Variants in DAB1 observed in about 807,000 individuals in gnomAD.
DAB1 encodes the protein disabled homolog 1.
In DAB1, 15 loss-of-function variants were observed where a neutral mutation model predicts 64.6. The observed-to-expected ratio is 0.23, with a 90% CI of 0.16 to 0.36. DAB1 has a LOEUF of 0.36. Among genes scored for constraint, DAB1 ranks in the 10% least tolerant of loss-of-function variants. The pLI is 1.00. For synonymous variants in DAB1, 235 were observed against 251.9 expected (o/e 0.93, Z 0.64); for missense variants, 596 against 706.7 (o/e 0.84, Z 1.78).
intron 4 of DAB1, among the ~76,000 whole-genome samples, chr1:58,175,063 G>T (rs114542958): frequency 0.011 from 1,661 of 152,292 alleles, 32 homozygotes; most frequent in African/African-American, 0.038. Context: ...AACCTGCTCG[G>T]GTCCCCCTCC....
At chr1:58,372,449 G>A (rs931857663) in intron 3 of DAB1, among the ~76,000 whole-genome samples, 1 of 152,186 alleles carries the variant, frequency 6.6e-6, no homozygotes, top group Non-Finnish European at 1.5e-5. Context: ...AGGCTCAGAG[G>A]TGGAAGGGAC....
intron 6 of DAB1, among the ~76,000 whole-genome samples, chr1:57,774,541 C>T (rs936936790): frequency 6.6e-6 from 1 of 151,814 alleles, no homozygotes; most frequent in East Asian, 1.9e-4. Context: ...TTAGCTGTGG[C>T]TTTTCATAGA....
At chr1:57,588,579 G>T (rs1344893600) in intron 7 of DAB1, among the ~76,000 whole-genome samples, 1 of 152,036 alleles carries the variant, frequency 6.6e-6, no homozygotes, top group Non-Finnish European at 1.5e-5. Flanking sequence ...CTTACATTAG[G>T]GAAAAAGACA....
chr1:58,158,625 C>T (rs1048462297), intron 4 of DAB1, among the ~76,000 whole-genome samples: 2 of 152,144 alleles, frequency 1.3e-5, no homozygotes, highest in African/African-American at 4.8e-5. Flanking sequence ...CTGCAGCTCG[C>T]GTTTCCTTAG....
At chr1:57,094,968 C>T (rs1654024980) in intron 4 of DAB1, among the ~76,000 whole-genome samples, 1 of 152,150 alleles carries the variant, frequency 6.6e-6, no homozygotes, top group African/African-American at 2.4e-5. Flanking sequence ...ACTCTGCAAC[C>T]TCATTCATGT....
At chr1:57,828,214 G>A (rs1652441917) in intron 1 of DAB1, among the ~76,000 whole-genome samples, 1 of 152,168 alleles carries the variant, frequency 6.6e-6, no homozygotes, top group African/African-American at 2.4e-5. Context: ...CAAAGTGCTG[G>A]GATTACAGGC....
intron 1 of DAB1, among the ~76,000 whole-genome samples, chr1:57,339,148 T>C (rs2100821783): frequency 6.6e-6 from 1 of 151,590 alleles, no homozygotes; most frequent in African/African-American, 2.4e-5. Flanking sequence ...TTTTTTTTTT[T>C]TAATTAATTA....
At chr1:57,384,434 T>C (rs1306453589) in intron 1 of DAB1, among the ~76,000 whole-genome samples, 1 of 152,188 alleles carries the variant, frequency 6.6e-6, no homozygotes, top group Non-Finnish European at 1.5e-5. Context: ...CTGAAAGCAG[T>C]ATCATGAAGA....
At chr1:58,084,855 C>T (rs1650208720) in intron 5 of DAB1, among the ~76,000 whole-genome samples, 2 of 151,372 alleles carry the variant, frequency 1.3e-5, no homozygotes, top group Admixed American at 1.3e-4. Flanking sequence ...ATTGGATAAA[C>T]ATGTGCTTGT....
chr1:57,469,892 C>T (rs1570549326), intron 7 of DAB1, among the ~76,000 whole-genome samples: 3 of 152,110 alleles, frequency 2.0e-5, no homozygotes, highest in Admixed American at 2.0e-4. Flanking sequence ...TTCAGAGAAG[C>T]CTGAAATGAA....
intron 2 of DAB1, among the ~76,000 whole-genome samples, chr1:58,523,531 G>A (rs1404630994): frequency 6.6e-6 from 1 of 152,172 alleles, no homozygotes; most frequent in African/African-American, 2.4e-5. Context: ...TTGGGGGCAA[G>A]TAGACCATTT....
chr1:57,652,649 T>C (rs1646270519), intron 6 of DAB1, among the ~76,000 whole-genome samples: 1 of 152,250 alleles, frequency 6.6e-6, no homozygotes, highest in African/African-American at 2.4e-5. Flanking sequence ...TTTCTTATTT[T>C]AGTTATTTAA....
chr1:58,311,301 C>G (rs1245757812), intron 4 of DAB1, among the ~76,000 whole-genome samples: 1 of 152,134 alleles, frequency 6.6e-6, no homozygotes, highest in African/African-American at 2.4e-5. Flanking sequence ...AGTCTCTCTC[C>G]CCTAGTACAG....
chr1:58,218,993 C>T (rs1557700361), intron 4 of DAB1, among the ~76,000 whole-genome samples: 1 of 101,356 alleles, frequency 9.9e-6, no homozygotes, highest in Non-Finnish European at 2.0e-5. Flanking sequence ...TGGCCATTCT[C>T]TCTCTCTCTC....
At chr1:58,106,109 CTTTT>C (rs1295051862) in intron 5 of DAB1, among the ~76,000 whole-genome samples, 8 of 138,332 alleles carry the variant, frequency 5.8e-5, no homozygotes, top group Non-Finnish European at 1.2e-4. Context: ...TCCTTCCTTC[CTTTT>C]CTTTCTTCCT....
At chr1:57,508,500 A>G (rs1161193197) in intron 7 of DAB1, among the ~76,000 whole-genome samples, 1 of 152,198 alleles carries the variant, frequency 6.6e-6, no homozygotes, top group Non-Finnish European at 1.5e-5. Context: ...CTTGTCCTTT[A>G]TCCCATGGCT....
chr1:58,175,872 G>C (rs1289375834), intron 4 of DAB1, among the ~76,000 whole-genome samples: 1 of 152,180 alleles, frequency 6.6e-6, no homozygotes, highest in East Asian at 1.9e-4. Context: ...CTTGATCACA[G>C]CCCACAGATG....
chr1:57,200,471 G>A (rs1198490744), intron 2 of DAB1, among the ~76,000 whole-genome samples: 2 of 152,180 alleles, frequency 1.3e-5, no homozygotes, highest in African/African-American at 4.8e-5. Context: ...TAGTATAGTG[G>A]TTACGAGCAT....
At chr1:58,261,510 A>G (rs1237557649) in intron 4 of DAB1, among the ~76,000 whole-genome samples, 1 of 152,180 alleles carries the variant, frequency 6.6e-6, no homozygotes, top group African/African-American at 2.4e-5. Flanking sequence ...GAGAAGGAAA[A>G]TGGATCTGAG....
Sources: gnomAD v4.1 joint callset for allele counts (sites outside exome capture counted in the v4.1 genomes callset) on GRCh38, gnomAD v4.1.1 for gene constraint, MANE v1.5 for transcripts, NCBI Gene and HGNC (gene_info 2026-07-23, HGNC 2026-07-21) for gene names.